Variants in HMGCLL1 observed in about 807,000 individuals in gnomAD.
The protein encoded by HMGCLL1 is 3-hydroxy-3-methylglutaryl-CoA lyase like 1.
A neutral mutation model predicts 39.1 loss-of-function variants in HMGCLL1; 36 were observed. The ratio of observed to expected loss-of-function variants is 0.92; its 90% confidence interval spans 0.71 to 1.22. The LOEUF is 1.22. Among genes scored for constraint, HMGCLL1 ranks in the 50% most tolerant of loss-of-function variants. The probability of loss-of-function intolerance (pLI) is 0.00; values close to 1 mark genes in which losing one functional copy is unlikely to be tolerated. For missense variants in HMGCLL1, 451 were observed against 416.5 expected (o/e 1.08, Z -0.72); for synonymous variants, 149 against 144.0 (o/e 1.03, Z -0.25).
rs144199277 is a variant in HMGCLL1, at chr6:55,517,874, T to A, written c.298-1271A>T. On this transcript the variant is annotated intron_variant, in intron 3 of 8. Coordinates refer to ENST00000274901, the MANE Select transcript of HMGCLL1 (RefSeq NM_001042406.2). ...AAGAAGTACCTTCCTTTGACTGCCA[T>A]CATGACTTATTACATTTAAGCTTTC... Among the ~76,000 whole-genome samples, 611 of 152,170 alleles carry A rather than the reference T, an allele frequency of 4.0e-3. 5 individuals carry two copies. The highest frequency in any genetic ancestry group is 0.014 in the African/African-American group (583 of 41,546).
At chr6:55,620,214 G>A in the HMGCLL1 span, among the ~76,000 whole-genome samples, 1 of 152,060 alleles carries the variant, frequency 6.6e-6, no homozygotes. Flanking sequence ...ATACCTATCA[G>A]TGGAATTGCT....
chr6:55,499,361 A>G (rs539674489), intron 5 of HMGCLL1, 62 bp from the exon 6 acceptor site: 54 of 1,271,298 alleles, frequency 4.2e-5, no homozygotes, highest in Non-Finnish European at 5.7e-5. Flanking sequence ...CCATTTTATA[A>G]AAATTAAGAA....
intron 1 of HMGCLL1, among the ~76,000 whole-genome samples, chr6:55,542,631 T>G (rs1769514059): frequency 6.6e-6 from 1 of 151,100 alleles, no homozygotes; most frequent in African/African-American, 2.4e-5. Context: ...TACAAGAAAT[T>G]AACTGGGCAT....
In HMGCLL1 at chr6:55,501,559, C is replaced by T. The variant is rs368293357; in HGVS notation, c.543-2260G>A. Among the ~76,000 whole-genome samples, 12 of 151,900 alleles carry T rather than the reference C, an allele frequency of 7.9e-5. No individual in the cohort carries two copies. The South Asian group carries it at 1.0e-3, about 13-fold the overall frequency. ...GAACTGAATTCTCTTATTTGACAAGCGGCCAAAGCCAGCTTCTGGACTTCT... is the reference window on the plus strand; with the variant it reads ...GAACTGAATTCTCTTATTTGACAAGTGGCCAAAGCCAGCTTCTGGACTTCT... On this transcript the variant is annotated intron_variant, in intron 5 of 8. Transcript: ENST00000274901.
intron 6 of HMGCLL1, among the ~76,000 whole-genome samples, chr6:55,496,756 T>G (rs1051011343): frequency 1.3e-5 from 2 of 152,136 alleles, no homozygotes; most frequent in Admixed American, 6.6e-5. Context: ...CATCATAGAT[T>G]GAGGTCTCCA....
intron 7 of HMGCLL1, among the ~76,000 whole-genome samples, chr6:55,461,396 T>C (rs908568036): frequency 1.3e-5 from 2 of 151,980 alleles, no homozygotes; most frequent in African/African-American, 2.4e-5. Flanking sequence ...AATAATACTA[T>C]GTCCACCAAA....
chr6:55,662,608 C>T, the HMGCLL1 span, among the ~76,000 whole-genome samples: 1 of 151,690 alleles, frequency 6.6e-6, no homozygotes, highest in Non-Finnish European at 1.5e-5. Context: ...AAATTTTTTG[C>T]ATCGATGTTC....
At chr6:55,540,449 A>C (rs1769360089) in intron 3 of HMGCLL1, among the ~76,000 whole-genome samples, 1 of 152,090 alleles carries the variant, frequency 6.6e-6, no homozygotes, top group African/African-American at 2.4e-5. Context: ...GAGAGACATG[A>C]GTGTGCTCCC....
At chr6:55,453,257 C>A (rs1036566894) in intron 7 of HMGCLL1, among the ~76,000 whole-genome samples, 3 of 152,192 alleles carry the variant, frequency 2.0e-5, no homozygotes, top group African/African-American at 7.2e-5. Flanking sequence ...CGGCTCACTG[C>A]AAGCTCCACC....
At chr6:55,586,607 C>T in the HMGCLL1 span, among the ~76,000 whole-genome samples, 1 of 150,850 alleles carries the variant, frequency 6.6e-6, no homozygotes, top group African/African-American at 2.4e-5. Context: ...ATGTGTTCTC[C>T]TTGTTCAATT....
intron 7 of HMGCLL1, among the ~76,000 whole-genome samples, chr6:55,453,442 C>T (rs1281110860): frequency 6.6e-6 from 1 of 152,110 alleles, no homozygotes; most frequent in African/African-American, 2.4e-5. Flanking sequence ...GGATTACAGG[C>T]GTGAGCCACC....
chr6:55,509,445 G>A (rs556331508), intron 5 of HMGCLL1, among the ~76,000 whole-genome samples: 21 of 151,976 alleles, frequency 1.4e-4, no homozygotes, highest in South Asian at 2.1e-4. Context: ...TCAGGGTCAG[G>A]ATCTGAGTCC....
intron 1 of HMGCLL1, among the ~76,000 whole-genome samples, chr6:55,545,100 A>G (rs566117961): frequency 1.9e-4 from 29 of 152,256 alleles, no homozygotes; most frequent in African/African-American, 6.7e-4. Context: ...AGGCAATCTT[A>G]AGCCATGTGG....
the HMGCLL1 span, among the ~76,000 whole-genome samples, chr6:55,622,137 A>G: frequency 2.6e-5 from 4 of 151,984 alleles, no homozygotes; most frequent in Admixed American, 1.3e-4. Flanking sequence ...ATCTTACTTT[A>G]CTGAATTTGT....
At chr6:55,513,448 A>G (rs528527299) in intron 5 of HMGCLL1, 1 of 152,286 alleles carries the variant, frequency 6.6e-6, no homozygotes, top group Admixed American at 6.6e-5. Flanking sequence ...CTGAAAGTTT[A>G]TATTTATCTT....
chr6:55,585,598 C>T, the HMGCLL1 span, among the ~76,000 whole-genome samples: 1 of 152,022 alleles, frequency 6.6e-6, no homozygotes, highest in Admixed American at 6.6e-5. Flanking sequence ...ACACAATTCA[C>T]TATCAATTAT....
the HMGCLL1 span, among the ~76,000 whole-genome samples, chr6:55,589,358 C>G: frequency 2.0e-5 from 3 of 152,144 alleles, no homozygotes; most frequent in Non-Finnish European, 4.4e-5. Context: ...AACAACGCTT[C>G]ATGCTAAAAA....
At chr6:55,491,799 T>C (rs1444984084) in intron 7 of HMGCLL1, among the ~76,000 whole-genome samples, 2 of 152,170 alleles carry the variant, frequency 1.3e-5, no homozygotes, top group Non-Finnish European at 2.9e-5. Flanking sequence ...CTTTTGGTTT[T>C]GAGGGATTAT....
the HMGCLL1 span, among the ~76,000 whole-genome samples, chr6:55,631,825 G>A: frequency 6.6e-6 from 1 of 151,996 alleles, no homozygotes; most frequent in Non-Finnish European, 1.5e-5. Context: ...ATTTAATAAA[G>A]TTTATACTCT....
Sources: allele counts gnomAD v4.1 joint callset (sites outside exome capture counted in the v4.1 genomes callset), GRCh38; gene constraint gnomAD v4.1.1; transcripts MANE v1.5; gene names NCBI Gene and HGNC (gene_info 2026-07-23, HGNC 2026-07-21).